Variants in PTTG1IP observed in about 807,000 individuals in gnomAD.
PTTG1IP encodes PTTG1 interacting protein.
Under a neutral mutation model 24.4 loss-of-function variants are expected in PTTG1IP, and 16 were observed. That is an observed-to-expected ratio of 0.66 (90% CI 0.44 to 1.00). The LOEUF is 1.00. Among genes scored for constraint, PTTG1IP ranks in the 50% least tolerant of loss-of-function variants. The probability of loss-of-function intolerance (pLI) is 0.00; values close to 1 mark genes in which losing one functional copy is unlikely to be tolerated. For missense variants in PTTG1IP, 241 were observed against 245.8 expected (o/e 0.98, Z 0.13); for synonymous variants, 89 against 96.8 (o/e 0.92, Z 0.47).
At chr21:44,867,345 C>G (rs947640592) in intron 1 of PTTG1IP, among the ~76,000 whole-genome samples, 1 of 151,952 alleles carries the variant, frequency 6.6e-6, no homozygotes, top group African/African-American at 2.4e-5. Flanking sequence ...CACAAAAGAC[C>G]CTACCGTGTA....
chr21:44,852,527 G>A (rs1471773627), intron 5 of PTTG1IP, among the ~76,000 whole-genome samples: 1 of 152,166 alleles, frequency 6.6e-6, no homozygotes, highest in African/African-American at 2.4e-5. Context: ...ATTATCTGCA[G>A]CGATTACAAC....
chr21:44,872,877 C>T (rs987887631), intron 1 of PTTG1IP: 1 of 152,358 alleles, frequency 6.6e-6, no homozygotes, highest in African/African-American at 2.4e-5. Context: ...CAGCGTAGAA[C>T]CGCAATCAGC....
rs35396285 is a variant in PTTG1IP at position 44,853,507 on chromosome 21, C to CAAA, written c.496+1700_496+1702dup. 8.4e-4 allele frequency among the ~76,000 whole-genome samples: 80 copies of CAAA among 94,764 alleles called. 1 individual carries two copies. The highest frequency in any genetic ancestry group is 2.5e-3 in the East Asian group (9 of 3,546). 62.2% of individuals were successfully genotyped at this position (94,764 alleles called of 152,430 possible). A position where few individuals can be genotyped will look rare whatever the true frequency, so the allele number is the denominator to read the frequency against. The stretch of plus-strand genomic sequence containing the variant: ...TGGGCGACAAGGTGAGACTCCGTCT[C>CAAA]AAAAAAAAAAAAAAAAAAAAATTAG... On this transcript the variant is annotated intron_variant, in intron 5 of 5. Transcript: ENST00000330938.
chr21:44,865,785 T>C (rs979854341), intron 1 of PTTG1IP: 9 of 397,686 alleles, frequency 2.3e-5, no homozygotes, highest in African/African-American at 1.2e-4. Context: ...GGCTGTGTAA[T>C]CACTAACCAC....
intron 1 of PTTG1IP, among the ~76,000 whole-genome samples, chr21:44,869,495 T>TCTG (rs2083567700): frequency 6.6e-6 from 1 of 152,218 alleles, no homozygotes; most frequent in African/African-American, 2.4e-5. Flanking sequence ...GATAGAGTCT[T>TCTG]GCTATGTCAC....
intron 5 of PTTG1IP, among the ~76,000 whole-genome samples, chr21:44,854,364 C>A (rs2083433105): frequency 6.6e-6 from 1 of 152,228 alleles, no homozygotes; most frequent in Non-Finnish European, 1.5e-5. Context: ...ACGACAGATT[C>A]CTGAGGCCCA....
intron 2 of PTTG1IP, among the ~76,000 whole-genome samples, chr21:44,864,083 G>A (rs1031970702): frequency 2.0e-5 from 3 of 152,204 alleles, no homozygotes; most frequent in Admixed American, 1.3e-4. Context: ...CCTCATTGCC[G>A]GGGAAAGGAA....
chr21:44,851,459 G>A lies in PTTG1IP; in HGVS notation c.*122C>T, dbSNP rs1170173490. 1.2e-6 allele frequency: 2 copies of A among 1,610,270 alleles called. No homozygotes were observed. The highest frequency in any genetic ancestry group is 1.1e-5 in the South Asian group (1 of 91,056). The stretch of plus-strand genomic sequence containing the variant: ...GGCAGCTCTCCGGCCGCCTGTCCTG[G>A]AAGGCTGGCAGGTTCACTGGCCAAG... On this transcript the variant is annotated 3_prime_UTR_variant, in exon 6 of 6. Coordinates refer to ENST00000330938, the MANE Select transcript of PTTG1IP (RefSeq NM_004339.4).
chr21:44,864,117 A>T (rs2083515776), intron 2 of PTTG1IP, among the ~76,000 whole-genome samples: 1 of 152,244 alleles, frequency 6.6e-6, no homozygotes, highest in African/African-American at 2.4e-5. Flanking sequence ...CAGTTCTCAA[A>T]ACCTGGTAAA....
intron 1 of PTTG1IP, chr21:44,865,767 T>C: frequency 2.2e-6 from 1 of 457,316 alleles, no homozygotes; most frequent in Non-Finnish European, 4.0e-6. Context: ...AGAGGAAGTG[T>C]GCCCTGTGGC....
intron 1 of PTTG1IP, among the ~76,000 whole-genome samples, chr21:44,872,331 G>A (rs1257752116): frequency 6.6e-6 from 1 of 152,184 alleles, no homozygotes; most frequent in Non-Finnish European, 1.5e-5. Context: ...AAATAATCCT[G>A]CATCGGAATA....
At chr21:44,857,066 C>CT (rs530119179) in intron 3 of PTTG1IP, among the ~76,000 whole-genome samples, 31 of 152,208 alleles carry the variant, frequency 2.0e-4, no homozygotes, top group Non-Finnish European at 3.4e-4. Flanking sequence ...TTTTAAACTT[C>CT]TTTTGAAGAT....
rs1469335393 is a variant in PTTG1IP at position 44,851,084 on chromosome 21, C to T, written c.*497G>A. ...CATCAGCAAAAGCCGTGTGAGTCAACAGGTGTGAAGACTCAAGATGCGCAC... is the reference window on the plus strand; with the variant it reads ...CATCAGCAAAAGCCGTGTGAGTCAATAGGTGTGAAGACTCAAGATGCGCAC... On this transcript the variant is annotated 3_prime_UTR_variant, in exon 6 of 6. Coordinates refer to ENST00000330938, the MANE Select transcript of PTTG1IP (RefSeq NM_004339.4). 1.1e-5 allele frequency: 4 copies of T among 362,268 alleles called. No homozygotes were observed. The highest frequency in any genetic ancestry group is 2.0e-5 in the Non-Finnish European group (4 of 197,292). 22.4% of individuals were successfully genotyped at this position (362,268 alleles called of 1,614,324 possible). A position where few individuals can be genotyped will look rare whatever the true frequency, so the allele number is the denominator to read the frequency against.
intron 5 of PTTG1IP, among the ~76,000 whole-genome samples, 194 bp from the exon 6 acceptor site, chr21:44,851,821 T>C: frequency 6.6e-6 from 1 of 152,154 alleles, no homozygotes; most frequent in East Asian, 1.9e-4. Flanking sequence ...TGAAATAAAA[T>C]TTACTAGAAA....
chr21:44,852,234 G>A (rs529858175), intron 5 of PTTG1IP, among the ~76,000 whole-genome samples: 44 of 151,750 alleles, frequency 2.9e-4, no homozygotes, highest in African/African-American at 9.2e-4. Context: ...CCAGGATAGA[G>A]TGCAATGGCG....
At chr21:44,853,743 A>C (rs146679511) in intron 5 of PTTG1IP, among the ~76,000 whole-genome samples, 191 of 152,276 alleles carry the variant, frequency 1.3e-3, no homozygotes, top group South Asian at 0.011. Context: ...GGCGACAGAG[A>C]GGGTGGGGCA....
intron 3 of PTTG1IP, among the ~76,000 whole-genome samples, chr21:44,858,630 C>A (rs1444947848): frequency 6.6e-6 from 1 of 152,252 alleles, no homozygotes; most frequent in South Asian, 2.1e-4. Context: ...GGTGCCCCCT[C>A]CCCACTGTGA....
intron 1 of PTTG1IP, among the ~76,000 whole-genome samples, chr21:44,872,088 G>A (rs1280417050): frequency 6.6e-6 from 1 of 152,134 alleles, no homozygotes; most frequent in African/African-American, 2.4e-5. Context: ...CACAATGCAA[G>A]CAAACACACC....
At chr21:44,866,333 A>AACACAC (rs139772400) in intron 1 of PTTG1IP, among the ~76,000 whole-genome samples, 1 of 55,022 alleles carries the variant, frequency 1.8e-5, no homozygotes, top group Non-Finnish European at 2.8e-5. Context: ...CCAATCCCAT[A>AACACAC]ACACACACAC....
Sources: allele counts gnomAD v4.1 joint callset (sites outside exome capture counted in the v4.1 genomes callset), GRCh38; gene constraint gnomAD v4.1.1; transcripts MANE v1.5; gene names NCBI Gene and HGNC (gene_info 2026-07-23, HGNC 2026-07-21).